The following RAPGEF4 variants were observed in gnomAD, a reference collection of about 807,000 sequenced individuals.
RAPGEF4 encodes the protein Rap guanine nucleotide exchange factor 4.
Under a neutral mutation model 147.9 loss-of-function variants are expected in RAPGEF4, and 66 were observed. That is an observed-to-expected ratio of 0.45 (90% CI 0.37 to 0.55). The LOEUF is 0.55. Ranked by LOEUF, RAPGEF4 falls within the 20% of genes least tolerant of loss-of-function variation. The pLI, the probability that RAPGEF4 is intolerant of heterozygous loss-of-function variation, is 0.00. For synonymous variants in RAPGEF4, 419 were observed against 442.7 expected, an observed-to-expected ratio of 0.95 and a Z score of 0.67; for missense variants, 1,071 against 1,257.3, an observed-to-expected ratio of 0.85 and a Z score of 2.24.
chr2:172,992,955 C>T (rs1183489897), intron 15 of RAPGEF4, among the ~76,000 whole-genome samples: 4 of 152,088 alleles, frequency 2.6e-5, no homozygotes, highest in Middle Eastern at 3.4e-3. Flanking sequence ...GCTGATATTC[C>T]GGACTTCAAA....
At chr2:172,877,274 C>A (rs113734553) in intron 4 of RAPGEF4, among the ~76,000 whole-genome samples, 15 of 152,166 alleles carry the variant, frequency 9.9e-5, no homozygotes, top group African/African-American at 3.6e-4. Context: ...AACAGAAAAC[C>A]AAACACCCCA....
chr2:173,005,579 G>A (rs1694386595), intron 17 of RAPGEF4, among the ~76,000 whole-genome samples: 1 of 129,224 alleles, frequency 7.7e-6, no homozygotes, highest in Non-Finnish European at 1.6e-5. Context: ...CTGGAGTGTA[G>A]TATCGCAATC....
At chr2:172,989,755 A>C (rs928564000) in intron 14 of RAPGEF4, among the ~76,000 whole-genome samples, 2 of 152,076 alleles carry the variant, frequency 1.3e-5, no homozygotes, top group Non-Finnish European at 2.9e-5. Flanking sequence ...CTAGGGTCAC[A>C]CTGCCCCTCT....
Position 172,973,405 on chromosome 2 carries a change from G to A in RAPGEF4, c.1004+5961G>A, listed in dbSNP as rs149753920. 1.5e-3 allele frequency among the ~76,000 whole-genome samples: 225 copies of A among 152,276 alleles called. 1 individual carries two copies. Among genetic ancestry groups the A allele is most frequent in the African/African-American group, 4.8e-3 (198 of 41,566 alleles). ...TGGGATTATAGGCATGAGCCACTGG[G>A]CCGAGCACCTTTCTTCTTAAGAGCA... On this transcript the variant is annotated intron_variant, in intron 10 of 30. Transcript: ENST00000397081.
Position 172,803,629 on chromosome 2 carries a change from G to A in RAPGEF4, c.297+6016G>A, listed in dbSNP as rs910654228. Among the ~76,000 whole-genome samples the A allele has an allele frequency of 4.9e-4, 74 of 152,182 alleles. 1 individual carries two copies. Among genetic ancestry groups the A allele is most frequent in the Non-Finnish European group, 5.9e-5 (4 of 68,032 alleles). ...TCTTGGGGAGTACATTTGGCTCCCT[G>A]TTACTTATGCAAATTTCTGTAGCTG... On this transcript the variant is annotated intron_variant, in intron 3 of 30. Coordinates refer to ENST00000397081, the MANE Select transcript of RAPGEF4 (RefSeq NM_007023.4).
At chr2:172,769,365 T>G (rs916814993) in intron 1 of RAPGEF4, among the ~76,000 whole-genome samples, 1 of 151,962 alleles carries the variant, frequency 6.6e-6, no homozygotes, top group Non-Finnish European at 1.5e-5. Flanking sequence ...AGAGGAAGAT[T>G]AAAAGATTCT....
At chr2:172,956,472 C>CTTTT (rs35815206) in intron 6 of RAPGEF4, among the ~76,000 whole-genome samples, 86 of 136,236 alleles carry the variant, frequency 6.3e-4, no homozygotes, top group Non-Finnish European at 9.3e-4. Context: ...GTTTCTTTTT[C>CTTTT]TTTTTTTTTT....
At chr2:172,849,086 T>C (rs2149728887) in intron 4 of RAPGEF4, among the ~76,000 whole-genome samples, 2 of 152,102 alleles carry the variant, frequency 1.3e-5, no homozygotes, top group Middle Eastern at 3.4e-3. Flanking sequence ...TTTTTTTTTT[T>C]TTAGCAGAGA....
intron 6 of RAPGEF4, among the ~76,000 whole-genome samples, chr2:172,956,378 G>T (rs972800053): frequency 6.6e-6 from 1 of 152,104 alleles, no homozygotes; most frequent in Non-Finnish European, 1.5e-5. Flanking sequence ...GGCTGCACTG[G>T]ACTGCTACTC....
At chr2:172,743,075 C>T (rs1694442430) in intron 1 of RAPGEF4, among the ~76,000 whole-genome samples, 1 of 152,186 alleles carries the variant, frequency 6.6e-6, no homozygotes, top group Non-Finnish European at 1.5e-5. Flanking sequence ...GCACCACCTC[C>T]TCACACCCCA....
intron 6 of RAPGEF4, among the ~76,000 whole-genome samples, 194 bp from the exon 7 acceptor site, chr2:172,960,566 C>G (rs1443898071): frequency 6.6e-6 from 1 of 152,066 alleles, no homozygotes; most frequent in Non-Finnish European, 1.5e-5. Flanking sequence ...TAAATGTTGG[C>G]AAATTGAATG....
At chr2:172,785,230 G>A (rs532988419) in intron 1 of RAPGEF4, among the ~76,000 whole-genome samples, 1 of 152,308 alleles carries the variant, frequency 6.6e-6, no homozygotes, top group East Asian at 1.9e-4. Flanking sequence ...TAAAAAGATT[G>A]AGATTGTAGA....
At chr2:172,833,954 T>A (rs1402624193) in intron 4 of RAPGEF4, among the ~76,000 whole-genome samples, 1 of 152,210 alleles carries the variant, frequency 6.6e-6, no homozygotes, top group Non-Finnish European at 1.5e-5. Flanking sequence ...ATCTGTTTGA[T>A]GTTTTTATCC....
intron 6 of RAPGEF4, among the ~76,000 whole-genome samples, chr2:172,945,707 A>G (rs1053610301): frequency 3.9e-5 from 6 of 152,200 alleles, no homozygotes; most frequent in African/African-American, 9.6e-5. Flanking sequence ...GGCAGTTTAC[A>G]TAGCATGCAT....
chr2:173,002,510 A>T (rs1291618205), intron 17 of RAPGEF4, among the ~76,000 whole-genome samples: 1 of 152,180 alleles, frequency 6.6e-6, no homozygotes, highest in Non-Finnish European at 1.5e-5. Flanking sequence ...ATGTGAAAGT[A>T]TATTCTAAGA....
intron 3 of RAPGEF4, among the ~76,000 whole-genome samples, chr2:172,798,812 G>A (rs1410285733): frequency 2.0e-5 from 3 of 152,154 alleles, no homozygotes; most frequent in Non-Finnish European, 2.9e-5. Context: ...TGGAATTTGC[G>A]ATGTAGTTTC....
intron 29 of RAPGEF4, among the ~76,000 whole-genome samples, chr2:173,046,741 T>C (rs1383033211): frequency 2.0e-5 from 3 of 152,248 alleles, no homozygotes; most frequent in Non-Finnish European, 4.4e-5. Context: ...AACAGATGGA[T>C]GTGTCAGTTT....
rs190147511 is a variant in RAPGEF4 at position 172,957,649 on chromosome 2, A to G, written c.538-3111A>G. Among the ~76,000 whole-genome samples the G allele has an allele frequency of 1.5e-4, 23 of 152,302 alleles. 1 individual carries two copies. The East Asian group carries it at 4.4e-3, about 29-fold the overall frequency. On this transcript the variant is annotated intron_variant, in intron 6 of 30. Transcript: ENST00000397081. Reference sequence around the variant, plus strand: ...CCTGCATGTGTTCCTTGGAGATTTTATTTAAATAAAGGGACCATCCCCTCC... The same window carrying G: ...CCTGCATGTGTTCCTTGGAGATTTTGTTTAAATAAAGGGACCATCCCCTCC...
intron 6 of RAPGEF4, among the ~76,000 whole-genome samples, chr2:172,948,042 C>CT (rs1157094754): frequency 6.6e-6 from 1 of 152,070 alleles, no homozygotes; most frequent in Non-Finnish European, 1.5e-5. Context: ...TGGTGTATAC[C>CT]TTTTGTATCC....
Sources: gnomAD v4.1 joint callset for allele counts (sites outside exome capture counted in the v4.1 genomes callset) on GRCh38, gnomAD v4.1.1 for gene constraint, MANE v1.5 for transcripts, NCBI Gene and HGNC (gene_info 2026-07-23, HGNC 2026-07-21) for gene names.